Variants in P4HA1 observed in about 807,000 individuals in gnomAD.
The protein encoded by P4HA1 is prolyl 4-hydroxylase subunit alpha 1, also known as prolyl 4-hydroxylase subunit alpha-1.
P4HA1 carries 24 observed loss-of-function variants against 72.8 expected under a neutral mutation model. The observed-to-expected ratio is 0.33, with a 90% CI of 0.24 to 0.46. The LOEUF (loss-of-function observed/expected upper bound fraction) is 0.46. Ranked by LOEUF, P4HA1 falls within the 20% of genes least tolerant of loss-of-function variation. The pLI is 1.00. For missense variants in P4HA1, 446 were observed against 640.6 expected (o/e 0.70, Z 3.28); for synonymous variants, 201 against 218.8 (o/e 0.92, Z 0.72).
At chr10:73,043,953 C>G in intron 9 of P4HA1, 1 of 1,610,930 alleles carries the variant, frequency 6.2e-7, no homozygotes, top group African/African-American at 1.3e-5. Flanking sequence ...TGTAGCTCGG[C>G]TCAGCTACAA....
chr10:73,085,433 G>T (rs1841906684), intron 1 of P4HA1, among the ~76,000 whole-genome samples: 1 of 151,720 alleles, frequency 6.6e-6, no homozygotes, highest in Non-Finnish European at 1.5e-5. Context: ...GCCCAGGCTG[G>T]AGTGCAATGG....
rs767879314 is a variant in P4HA1 at position 73,016,939 on chromosome 10, A to G, written c.1249-40T>C. 13 of 1,524,794 alleles carry G rather than the reference A, an allele frequency of 8.5e-6. No homozygotes were observed. In the South Asian group the frequency reaches 1.5e-4, roughly 18 times the overall value. 94.5% of individuals were successfully genotyped at this position (1,524,794 alleles called of 1,614,324 possible). On this transcript the variant is annotated intron_variant, in intron 10 of 14. Transcript: ENST00000394890. ...CAAAGCATGAAAGAAAAGAACTATAAAGATTACTATTCAAAAAAAATCTAT... is the reference window on the plus strand; with the variant it reads ...CAAAGCATGAAAGAAAAGAACTATAGAGATTACTATTCAAAAAAAATCTAT...
chr10:73,053,335 G>C lies in P4HA1; in HGVS notation c.703+16C>G. 1 of 1,612,284 alleles carries C rather than the reference G, an allele frequency of 6.2e-7. No homozygotes were observed. The highest frequency in any genetic ancestry group is 1.1e-5 in the South Asian group (1 of 90,900). On this transcript the variant is annotated intron_variant, in intron 6 of 14. Transcript: ENST00000394890. ...TCAATATAACTATAACCTTAAATTA[G>C]GCCCAGATAACATACCTAGTTCAAG...
At position 73,007,377 on chromosome 10, in the gene P4HA1, C is replaced by T. The variant is rs1480008771; in HGVS notation, c.*845G>A. 6.6e-6 allele frequency: 1 copy of T among 152,574 alleles called. No homozygotes were observed. The highest frequency in any genetic ancestry group is 2.4e-5 in the African/African-American group (1 of 41,440). 9.5% of individuals were successfully genotyped at this position (152,574 alleles called of 1,614,324 possible). On this transcript the variant is annotated 3_prime_UTR_variant, in exon 15 of 15. Coordinates refer to ENST00000394890, the MANE Select transcript of P4HA1 (RefSeq NM_001017962.3). ...ACTTGTACATTTTTAAACTTCCAGT[C>T]TCCTAAGGCACAGTATTTAATCAGA...
intron 1 of P4HA1, among the ~76,000 whole-genome samples, chr10:73,090,251 C>A (rs1842001348): frequency 6.6e-6 from 1 of 152,134 alleles, no homozygotes; most frequent in African/African-American, 2.4e-5. Context: ...CCTGCCTCGG[C>A]CTCCCAAGTA....
At chr10:73,058,884 T>C (rs1022340784) in intron 5 of P4HA1, among the ~76,000 whole-genome samples, 1 of 150,988 alleles carries the variant, frequency 6.6e-6, no homozygotes, top group African/African-American at 2.5e-5. Flanking sequence ...TTCAAGAAAT[T>C]CTCGTGCCTC....
chr10:73,081,441 T>C (rs1488993090), intron 1 of P4HA1, among the ~76,000 whole-genome samples: 3 of 152,210 alleles, frequency 2.0e-5, no homozygotes, highest in Non-Finnish European at 4.4e-5. Flanking sequence ...TTTGGTAGCA[T>C]ATTACATTTT....
chr10:73,049,206 G>A (rs1437563030), intron 7 of P4HA1, among the ~76,000 whole-genome samples: 2 of 152,144 alleles, frequency 1.3e-5, no homozygotes, highest in Non-Finnish European at 2.9e-5. Context: ...AGGACTCCAT[G>A]AACCTATCTA....
At chr10:73,096,176 CTAAT>C (rs1842160692) in intron 1 of P4HA1, among the ~76,000 whole-genome samples, 1 of 152,244 alleles carries the variant, frequency 6.6e-6, no homozygotes, top group Non-Finnish European at 1.5e-5. Context: ...CGTCTGGCAG[CTAAT>C]GCTGCACCGC....
Position 73,069,809 on chromosome 10 carries a change from T to A in P4HA1, c.326-826A>T, listed in dbSNP as rs1002219974. On this transcript the variant is annotated intron_variant, in intron 4 of 14. Transcript: ENST00000394890. ...TCTCATTAACTTATAATCAACTGTT[T>A]TGTTTTTTTTTTTTTGAGACAGTCT... Among the ~76,000 whole-genome samples the A allele has an allele frequency of 1.9e-4, 29 of 151,530 alleles. No individual in the cohort carries two copies. The East Asian group carries it at 2.5e-3, about 13-fold the overall frequency.
intron 5 of P4HA1, among the ~76,000 whole-genome samples, chr10:73,063,392 T>A (rs879388905): frequency 1.3e-5 from 2 of 152,200 alleles, no homozygotes; most frequent in African/African-American, 2.4e-5. Context: ...TTAAATCCCA[T>A]TCCTGTAGGC....
At chr10:73,035,360 A>T (rs999017785) in intron 9 of P4HA1, among the ~76,000 whole-genome samples, 2 of 152,194 alleles carry the variant, frequency 1.3e-5, no homozygotes, top group African/African-American at 4.8e-5. Context: ...TACAAAAAAA[A>T]TTAAAATAAA....
At chr10:73,031,405 A>G (rs1160276361) in intron 9 of P4HA1, among the ~76,000 whole-genome samples, 1 of 152,194 alleles carries the variant, frequency 6.6e-6, no homozygotes, top group Non-Finnish European at 1.5e-5. Context: ...GAGCCGCTTG[A>G]GCATGGGAGT....
intron 6 of P4HA1, among the ~76,000 whole-genome samples, 200 bp downstream of exon 6, chr10:73,053,151 G>C (rs1841057955): frequency 6.6e-6 from 1 of 152,090 alleles, no homozygotes; most frequent in Admixed American, 6.6e-5. Context: ...CACAACCACT[G>C]TTATAGCACT....
intron 1 of P4HA1, chr10:73,082,568 T>C (rs879264595): frequency 1.3e-5 from 2 of 152,226 alleles, no homozygotes; most frequent in Non-Finnish European, 2.9e-5. Context: ...ATCAATTAGT[T>C]GTAAACACCA....
At chr10:73,035,967 T>A (rs1840560832) in intron 9 of P4HA1, among the ~76,000 whole-genome samples, 1 of 152,070 alleles carries the variant, frequency 6.6e-6, no homozygotes, top group Admixed American at 6.5e-5. Context: ...GGCGGGTGGA[T>A]CTCTTGAGGT....
intron 4 of P4HA1, among the ~76,000 whole-genome samples, chr10:73,070,923 G>A (rs148863387): frequency 1.2e-4 from 19 of 152,262 alleles, no homozygotes; most frequent in African/African-American, 4.1e-4. Context: ...GCTCACGCGT[G>A]TAATCCCTAG....
intron 2 of P4HA1, 27 bp downstream of exon 2, chr10:73,074,781 C>CA: frequency 1.6e-6 from 2 of 1,274,746 alleles, no homozygotes; most frequent in Non-Finnish European, 2.3e-6. Context: ...GCAAAACCAA[C>CA]AAAAAACAAC....
intron 9 of P4HA1, among the ~76,000 whole-genome samples, chr10:73,037,542 TATATATATATATATATATATATATATA>T (rs1840610175): frequency 8.8e-5 from 2 of 22,766 alleles, no homozygotes; most frequent in Non-Finnish European, 1.5e-4. Context: ...TATATATATA[TATATATATATATATATATATATATATA>T]TATTTTTTTT....
Sources: allele counts gnomAD v4.1 joint callset (sites outside exome capture counted in the v4.1 genomes callset), GRCh38; gene constraint gnomAD v4.1.1; transcripts MANE v1.5; gene names NCBI Gene and HGNC (gene_info 2026-07-23, HGNC 2026-07-21).